CTNNA3: variants seen among roughly 807,000 people sequenced by gnomAD.
CTNNA3 encodes catenin alpha 3.
A neutral mutation model predicts 95.7 loss-of-function variants in CTNNA3; 76 were observed. That is an observed-to-expected ratio of 0.79 (90% CI 0.66 to 0.96). The LOEUF is 0.96. CTNNA3 is among the 40% of genes least tolerant of loss of function. The probability of loss-of-function intolerance (pLI) is 0.00; values close to 1 mark genes in which losing one functional copy is unlikely to be tolerated. For missense variants in CTNNA3, 1,191 were observed against 1,089.8 expected, an observed-to-expected ratio of 1.09 and a Z score of -1.31; for synonymous variants, 431 against 374.4, an observed-to-expected ratio of 1.15 and a Z score of -1.74.
rs568287367 is a variant in CTNNA3 at position 67,059,834 on chromosome 10, A to G, written c.1047+120483T>C. ...ATACTAATGTATATTTGCATATATA[A>G]TAGCATGTATGTCTTTATTTTGCTA... On this transcript the variant is annotated intron_variant, in intron 7 of 17. Transcript: ENST00000433211. Among the ~76,000 whole-genome samples the G allele has an allele frequency of 2.0e-5, 3 of 152,338 alleles. No individual in the cohort carries two copies. The East Asian group carries it at 5.8e-4, about 29-fold the overall frequency.
chr10:66,263,227 C>CA lies in CTNNA3; in HGVS notation c.1884+17242dup, dbSNP rs577572983. On this transcript the variant is annotated intron_variant, in intron 13 of 17. Coordinates refer to ENST00000433211, the MANE Select transcript of CTNNA3 (RefSeq NM_013266.4). ...CATATTGGAACAAAGCAAGTCTCTCCAAAAAAATCTAAAGAAAATATTTTC... is the reference window on the plus strand; with the variant it reads ...CATATTGGAACAAAGCAAGTCTCTCCAAAAAAAATCTAAAGAAAATATTTTC... 2.0e-4 allele frequency among the ~76,000 whole-genome samples: 30 copies of CA among 151,552 alleles called. No homozygotes were observed. In the East Asian group the frequency reaches 5.8e-3, roughly 29 times the overall value.
At chr10:65,973,371 T>C (rs984985650) in intron 16 of CTNNA3, among the ~76,000 whole-genome samples, 10 of 152,292 alleles carry the variant, frequency 6.6e-5, no homozygotes, top group African/African-American at 2.4e-4. Flanking sequence ...ATTAAAGAGC[T>C]TCTGCATAGC....
chr10:65,996,358 T>G (rs970536611), intron 15 of CTNNA3, among the ~76,000 whole-genome samples: 1 of 152,094 alleles, frequency 6.6e-6, no homozygotes, highest in African/African-American at 2.4e-5. Context: ...TAACCTGGGG[T>G]GCAAGTTGCT....
chr10:66,699,636 T>A (rs766399438), intron 9 of CTNNA3, among the ~76,000 whole-genome samples: 10 of 151,910 alleles, frequency 6.6e-5, no homozygotes, highest in Non-Finnish European at 1.3e-4. Flanking sequence ...ATGCATATTT[T>A]AATAACTATG....
At chr10:66,623,492 A>T (rs1844823400) in intron 9 of CTNNA3, among the ~76,000 whole-genome samples, 1 of 152,138 alleles carries the variant, frequency 6.6e-6, no homozygotes, top group South Asian at 2.1e-4. Context: ...TAAGTGACTG[A>T]CATAGTATAG....
At chr10:66,390,814 T>C (rs1479176103) in intron 11 of CTNNA3, among the ~76,000 whole-genome samples, 2 of 152,096 alleles carry the variant, frequency 1.3e-5, no homozygotes. Context: ...CACAGAAAGA[T>C]CTAAGCAAAA....
chr10:66,476,813 T>G (rs1301469234), intron 11 of CTNNA3, among the ~76,000 whole-genome samples: 1 of 152,096 alleles, frequency 6.6e-6, no homozygotes, highest in African/African-American at 2.4e-5. Context: ...CTAACTAGTT[T>G]GATATTAATG....
chr10:66,579,221 T>C (rs1843106643), intron 10 of CTNNA3, among the ~76,000 whole-genome samples: 1 of 151,880 alleles, frequency 6.6e-6, no homozygotes, highest in Non-Finnish European at 1.5e-5. Flanking sequence ...TTGGTTCTTC[T>C]CCTTTTATTA....
intron 15 of CTNNA3, among the ~76,000 whole-genome samples, chr10:65,992,167 T>A (rs925415201): frequency 6.6e-6 from 1 of 152,012 alleles, no homozygotes; most frequent in Non-Finnish European, 1.5e-5. Context: ...TTGTTGAGGG[T>A]TTTTGTGTCT....
At chr10:65,930,199 T>TAAAAAAAAAAAAAAAAAAAA in intron 17 of CTNNA3, among the ~76,000 whole-genome samples, 1 of 60,716 alleles carries the variant, frequency 1.6e-5, no homozygotes, top group Non-Finnish European at 3.2e-5. Flanking sequence ...CAGAGCTCAG[T>TAAAAAAAAAAAAAAAAAAAA]AAAAAAAAAA....
chr10:67,685,004 G>A (rs1459193808), intron 1 of CTNNA3, among the ~76,000 whole-genome samples: 1 of 152,194 alleles, frequency 6.6e-6, no homozygotes, highest in African/African-American at 2.4e-5. Flanking sequence ...AAGGTGCAAA[G>A]TCCTCCTTTC....
At chr10:67,706,622 A>T (rs1841080478) in intron 1 of CTNNA3, among the ~76,000 whole-genome samples, 1 of 152,118 alleles carries the variant, frequency 6.6e-6, no homozygotes, top group Admixed American at 6.6e-5. Context: ...GGGAGATTTA[A>T]ATTAGAATGA....
chr10:66,537,996 C>A (rs1841719542), intron 10 of CTNNA3, among the ~76,000 whole-genome samples: 1 of 152,130 alleles, frequency 6.6e-6, no homozygotes. Flanking sequence ...TCCACACCAT[C>A]ACTACATGGC....
intron 14 of CTNNA3, among the ~76,000 whole-genome samples, chr10:66,089,763 T>G (rs1009598307): frequency 2.6e-5 from 4 of 151,212 alleles, no homozygotes; most frequent in Non-Finnish European, 4.4e-5. Flanking sequence ...CAGAGAAATA[T>G]ATATATATAT....
At chr10:66,557,886 A>G (rs1003444537) in intron 10 of CTNNA3, among the ~76,000 whole-genome samples, 3 of 151,978 alleles carry the variant, frequency 2.0e-5, no homozygotes, top group African/African-American at 7.3e-5. Flanking sequence ...AGTTGGTTTT[A>G]TATGTTTCAT....
intron 2 of CTNNA3, among the ~76,000 whole-genome samples, chr10:67,643,105 ATG>A (rs1355353254): frequency 3.3e-5 from 5 of 152,350 alleles, no homozygotes; most frequent in African/African-American, 1.2e-4. Flanking sequence ...GATAAAGAAA[ATG>A]TGGTACATAT....
chr10:67,212,779 A>G (rs891578957), intron 6 of CTNNA3, among the ~76,000 whole-genome samples: 1 of 151,922 alleles, frequency 6.6e-6, no homozygotes. Flanking sequence ...CTAACATTAC[A>G]TTCCTGGAAT....
At chr10:67,629,704 GA>G in intron 2 of CTNNA3, among the ~76,000 whole-genome samples, 1 of 152,116 alleles carries the variant, frequency 6.6e-6, no homozygotes, top group East Asian at 1.9e-4. Context: ...TCTGGGAACT[GA>G]AAACAATGAG....
chr10:67,560,566 G>T (rs956968175), intron 3 of CTNNA3, among the ~76,000 whole-genome samples: 6 of 152,186 alleles, frequency 3.9e-5, no homozygotes, highest in Admixed American at 1.3e-4. Context: ...AGGCTAGGAA[G>T]AAACTGCATC....
Sources: allele counts gnomAD v4.1 joint callset (sites outside exome capture counted in the v4.1 genomes callset), GRCh38; gene constraint gnomAD v4.1.1; transcripts MANE v1.5; gene names NCBI Gene and HGNC (gene_info 2026-07-23, HGNC 2026-07-21).